The following TBC1D22B variants were observed in gnomAD, a reference collection of about 807,000 sequenced individuals.
TBC1D22B encodes TBC1 domain family member 22B.
In TBC1D22B, 32 loss-of-function variants were observed where a neutral mutation model predicts 69.1. The observed-to-expected ratio is 0.46, with a 90% CI of 0.35 to 0.62. The LOEUF is 0.62. Among genes scored for constraint, TBC1D22B ranks in the 20% least tolerant of loss-of-function variants. The pLI, the probability that TBC1D22B is intolerant of heterozygous loss-of-function variation, is 0.00. For missense variants in TBC1D22B, 462 were observed against 630.9 expected (o/e 0.73, Z 2.87); for synonymous variants, 206 against 229.8 (o/e 0.90, Z 0.94).
At chr6:37,272,155 C>T (rs2113724776) in intron 2 of TBC1D22B, among the ~76,000 whole-genome samples, 1 of 152,210 alleles carries the variant, frequency 6.6e-6, no homozygotes, top group South Asian at 2.1e-4. Flanking sequence ...GCCTCCGCCT[C>T]CTGGGCTCAA....
chr6:37,313,926 G>C, intron 10 of TBC1D22B, 35 bp downstream of exon 10: 2 of 1,582,824 alleles, frequency 1.3e-6, no homozygotes, highest in Non-Finnish European at 1.7e-6. Context: ...TCTAGCAATA[G>C]CAGAGTTGAT....
intron 7 of TBC1D22B, among the ~76,000 whole-genome samples, chr6:37,289,696 C>G (rs914245896): frequency 6.6e-6 from 1 of 152,208 alleles, no homozygotes; most frequent in Non-Finnish European, 1.5e-5. Flanking sequence ...TAGACAGACC[C>G]AGGTCACAAG....
intron 6 of TBC1D22B, 38 bp from the exon 7 acceptor site, chr6:37,286,969 T>C (rs1433753193): frequency 4.5e-6 from 7 of 1,565,294 alleles, no homozygotes; most frequent in Non-Finnish European, 6.1e-6. Context: ...AAAAAAAAAC[T>C]GGCATTTGTG....
intron 8 of TBC1D22B, among the ~76,000 whole-genome samples, chr6:37,304,193 C>T (rs986082784): frequency 1.3e-5 from 2 of 152,214 alleles, no homozygotes; most frequent in African/African-American, 4.8e-5. Flanking sequence ...ACCACTTAGT[C>T]AACAAGTCTT....
chr6:37,307,449 G>A (rs1423063878), intron 8 of TBC1D22B, among the ~76,000 whole-genome samples: 7 of 150,702 alleles, frequency 4.6e-5, no homozygotes, highest in African/African-American at 1.7e-4. Context: ...TCTGCCTCCC[G>A]GGTTCAAGCA....
At position 37,275,692 on chromosome 6, in the gene TBC1D22B, T is replaced by A. The variant is rs62406622; in HGVS notation, c.114-3612T>A. Among the ~76,000 whole-genome samples the A allele has an allele frequency of 7.6e-3, 1,161 of 152,300 alleles. 14 individuals carry two copies. Among genetic ancestry groups the A allele is most frequent in the Non-Finnish European group, 0.012 (810 of 68,028 alleles). On this transcript the variant is annotated intron_variant, in intron 2 of 12. Coordinates refer to ENST00000373491, the MANE Select transcript of TBC1D22B (RefSeq NM_017772.4). ...ATAAGAAAATGGGTATATATTAAAA[T>A]TTAGCATAGGGTCTGGTGAGTATTC...
intron 8 of TBC1D22B, among the ~76,000 whole-genome samples, chr6:37,310,241 CA>C (rs942126489): frequency 1.5e-4 from 21 of 141,608 alleles, no homozygotes; most frequent in East Asian, 8.3e-4. Context: ...TATAAAAAAA[CA>C]AAAAAACCTA....
intron 10 of TBC1D22B, 96 bp from the exon 11 acceptor site, chr6:37,316,607 G>A: frequency 7.0e-7 from 1 of 1,428,098 alleles, no homozygotes; most frequent in Non-Finnish European, 9.8e-7. Context: ...ACCCATGGGA[G>A]GGGGCAGTAA....
intron 8 of TBC1D22B, among the ~76,000 whole-genome samples, chr6:37,292,909 T>G (rs1767231851): frequency 6.6e-6 from 1 of 152,116 alleles, no homozygotes; most frequent in Admixed American, 6.5e-5. Flanking sequence ...ATATCTTGTT[T>G]TATTGAGCTT....
At chr6:37,292,424 A>G (rs1229605970) in intron 8 of TBC1D22B, among the ~76,000 whole-genome samples, 2 of 152,174 alleles carry the variant, frequency 1.3e-5, no homozygotes, top group Non-Finnish European at 2.9e-5. Flanking sequence ...TCAGAAAATT[A>G]AGAATTAAGG....
chr6:37,275,538 G>C (rs1320954042), intron 2 of TBC1D22B, among the ~76,000 whole-genome samples: 1 of 152,150 alleles, frequency 6.6e-6, no homozygotes, highest in East Asian at 1.9e-4. Context: ...GCTGGCCCAG[G>C]AGTCAGGTAG....
chr6:37,263,515 T>A lies in TBC1D22B; in HGVS notation c.56+5542T>A, dbSNP rs1583519017. On this transcript the variant is annotated intron_variant, in intron 1 of 12. Transcript: ENST00000373491. ...CAATTTCAGAATAATTGTTATCTCT[T>A]GGGAAGTGAAGAAACAGGACTAGGG... Among the ~76,000 whole-genome samples, 4 of 152,308 alleles carry A rather than the reference T, an allele frequency of 2.6e-5. No homozygotes were observed. The East Asian group carries it at 7.7e-4, about 29-fold the overall frequency.
At chr6:37,317,015 A>C in intron 11 of TBC1D22B, 96 bp from the exon 12 acceptor site, 1 of 1,470,510 alleles carries the variant, frequency 6.8e-7, no homozygotes, top group Non-Finnish European at 9.3e-7. Context: ...CAACCGTGAA[A>C]GAGTTTCCCA....
At chr6:37,286,897 T>C (rs1243104264) in intron 6 of TBC1D22B, 110 bp from the exon 7 acceptor site, 14 of 898,384 alleles carry the variant, frequency 1.6e-5, no homozygotes, top group Non-Finnish European at 2.3e-5. Flanking sequence ...TGAGCTGAGA[T>C]AGTGCCATTG....
chr6:37,315,184 A>C (rs190447185), intron 10 of TBC1D22B, among the ~76,000 whole-genome samples: 1 of 152,212 alleles, frequency 6.6e-6, no homozygotes, highest in Non-Finnish European at 1.5e-5. Context: ...TACGTGATAC[A>C]TAAAGGCATA....
chr6:37,276,487 G>A (rs73419874), intron 2 of TBC1D22B, among the ~76,000 whole-genome samples: 4,843 of 152,202 alleles, frequency 0.032, 242 homozygotes, highest in African/African-American at 0.11. Context: ...ATGTCTTTAT[G>A]TCATGGGGAA....
chr6:37,332,947 A>G lies in TBC1D22B; in HGVS notation c.*1775A>G, dbSNP rs1050536210. 1 of 152,272 alleles carries G rather than the reference A, an allele frequency of 6.6e-6. No individual in the cohort carries two copies. Among genetic ancestry groups the G allele is most frequent in the African/African-American group, 2.4e-5 (1 of 41,450 alleles). The allele number at this position is 152,272 out of a possible 1,614,324, so 9.4% of individuals were successfully genotyped here. On this transcript the variant is annotated 3_prime_UTR_variant, in exon 13 of 13. Transcript: ENST00000373491. ...GTGGATAAAGTGAAAAGAATTGTAA[A>G]TAAATGGTGTATTTCCTCCTCCATC...
chr6:37,276,697 G>A (rs535981413), intron 2 of TBC1D22B, among the ~76,000 whole-genome samples: 8 of 152,214 alleles, frequency 5.3e-5, no homozygotes, highest in Admixed American at 3.9e-4. Context: ...TTGGGAGGCC[G>A]AGGAGGGCAG....
Position 37,312,922 on chromosome 6 carries a change from G to A in TBC1D22B, c.987G>A (p.Glu329=). The part of the protein sequence containing the change: ...FVVFLSEYVE[E]DVENFDVTNL... Reference sequence around the variant, plus strand: ...TCTTCACCTTTTGTTTTACAGAAGAGGATGTGGAGAACTTTGACGTGACCA... The same window carrying A: ...TCTTCACCTTTTGTTTTACAGAAGAAGATGTGGAGAACTTTGACGTGACCA... Residue 329 remains glutamate, a synonymous_variant, in exon 9 of 13, where the codon GAG becomes GAA. Coordinates refer to ENST00000373491, the MANE Select transcript of TBC1D22B (RefSeq NM_017772.4). 6.2e-7 allele frequency: 1 copy of A among 1,613,324 alleles called. No homozygotes were observed. The highest frequency in any genetic ancestry group is 1.7e-4 in the Middle Eastern group (1 of 6,060).
Sources: allele counts gnomAD v4.1 joint callset (sites outside exome capture counted in the v4.1 genomes callset), GRCh38; gene constraint gnomAD v4.1.1; transcripts MANE v1.5; gene names NCBI Gene and HGNC (gene_info 2026-07-23, HGNC 2026-07-21).